NAALADL2: variants seen among roughly 807,000 people sequenced by gnomAD.
The protein encoded by NAALADL2 is inactive N-acetylated-alpha-linked acidic dipeptidase-like protein 2.
In NAALADL2, 76 loss-of-function variants were observed where a neutral mutation model predicts 87.2. The ratio of observed to expected loss-of-function variants is 0.87; its 90% CI spans 0.72 to 1.05. NAALADL2 has a LOEUF of 1.05. NAALADL2 is among the 50% of genes least tolerant of loss of function. The pLI, the probability that NAALADL2 is intolerant of heterozygous loss-of-function variation, is 0.00. For synonymous variants in NAALADL2, 354 were observed against 331.0 expected (o/e 1.07, Z -0.75); for missense variants, 1,089 against 945.8 (o/e 1.15, Z -1.99).
At chr3:175,194,692 T>G (rs1738715878) in intron 2 of NAALADL2, among the ~76,000 whole-genome samples, 1 of 151,862 alleles carries the variant, frequency 6.6e-6, no homozygotes, top group African/African-American at 2.4e-5. Flanking sequence ...TTAATGGCAT[T>G]AATAATTATG....
chr3:174,952,421 G>T (rs566091753), intron 1 of NAALADL2, among the ~76,000 whole-genome samples: 1 of 152,210 alleles, frequency 6.6e-6, no homozygotes, highest in African/African-American at 2.4e-5. Flanking sequence ...GACAGGATTT[G>T]CCTGTGATAG....
chr3:175,669,678 T>C (rs1219612109), intron 11 of NAALADL2, among the ~76,000 whole-genome samples: 1 of 151,982 alleles, frequency 6.6e-6, no homozygotes, highest in Non-Finnish European at 1.5e-5. Context: ...TTGGAATGAC[T>C]CTAAAGACAG....
intron 9 of NAALADL2, among the ~76,000 whole-genome samples, chr3:175,478,929 C>T (rs778583452): frequency 6.6e-6 from 1 of 151,750 alleles, no homozygotes; most frequent in Non-Finnish European, 1.5e-5. Context: ...GGTTAAAAAC[C>T]TATCATTAAT....
intron 1 of NAALADL2, among the ~76,000 whole-genome samples, chr3:174,501,077 A>ATTT (rs71624286): frequency 2.7e-5 from 3 of 109,770 alleles, no homozygotes; most frequent in East Asian, 5.1e-4. Flanking sequence ...ATAGGTCTCA[A>ATTT]TTTTTTTTTT....
chr3:174,486,014 A>C (rs1717835773), intron 1 of NAALADL2, among the ~76,000 whole-genome samples: 1 of 152,052 alleles, frequency 6.6e-6, no homozygotes, highest in African/African-American at 2.4e-5. Context: ...ACCTAAAAAC[A>C]GAACTACCAT....
intron 6 of NAALADL2, among the ~76,000 whole-genome samples, chr3:175,454,920 A>T (rs1158938490): frequency 3.3e-5 from 5 of 152,106 alleles, no homozygotes; most frequent in Non-Finnish European, 7.4e-5. Context: ...AAAATGTGCA[A>T]TTTAAGAGAA....
intron 2 of NAALADL2, among the ~76,000 whole-genome samples, chr3:174,565,771 C>T (rs1450231522): frequency 1.3e-5 from 2 of 151,880 alleles, no homozygotes; most frequent in Non-Finnish European, 2.9e-5. Flanking sequence ...GTGTCTGTAC[C>T]ATTTTGTATT....
intron 2 of NAALADL2, among the ~76,000 whole-genome samples, chr3:175,182,346 TC>T (rs1309542500): frequency 6.6e-6 from 1 of 151,946 alleles, no homozygotes. Flanking sequence ...AATTCATACA[TC>T]TTTTCTCTAT....
intron 11 of NAALADL2, among the ~76,000 whole-genome samples, chr3:175,727,711 A>G (rs571305001): frequency 1.1e-4 from 17 of 152,330 alleles, no homozygotes; most frequent in African/African-American, 4.1e-4. Context: ...TAGAGATTCC[A>G]TGACAATTTT....
chr3:175,566,891 A>C (rs76791308), intron 9 of NAALADL2, among the ~76,000 whole-genome samples: 1,797 of 152,174 alleles, frequency 0.012, 34 homozygotes, highest in African/African-American at 0.04. Context: ...GAAAAGTTAT[A>C]ATTTTACGTA....
chr3:175,181,768 T>TGTATATATGTGTGTATA (rs1485529056), intron 2 of NAALADL2, among the ~76,000 whole-genome samples: 1 of 127,826 alleles, frequency 7.8e-6, no homozygotes, highest in Admixed American at 8.1e-5. Context: ...TGTATATATG[T>TGTATATATGTGTGTATA]GTGTATATAT....
At chr3:175,522,216 CA>C (rs1732746899) in intron 9 of NAALADL2, among the ~76,000 whole-genome samples, 3 of 152,102 alleles carry the variant, frequency 2.0e-5, no homozygotes, top group Non-Finnish European at 4.4e-5. Flanking sequence ...ATTTATTTTA[CA>C]TATATATTGA....
At chr3:175,184,409 C>G (rs1010196098) in intron 2 of NAALADL2, among the ~76,000 whole-genome samples, 19 of 152,150 alleles carry the variant, frequency 1.2e-4, no homozygotes, top group African/African-American at 4.3e-4. Context: ...TGTTTACCCT[C>G]TACTGCAGCT....
intron 1 of NAALADL2, among the ~76,000 whole-genome samples, chr3:175,086,759 C>T (rs1175378780): frequency 6.6e-6 from 1 of 151,922 alleles, no homozygotes; most frequent in Non-Finnish European, 1.5e-5. Context: ...TGTTTAGTTG[C>T]TTGAACTTAC....
chr3:175,449,462 C>T (rs1048042114), intron 6 of NAALADL2, among the ~76,000 whole-genome samples: 3 of 143,462 alleles, frequency 2.1e-5, no homozygotes, highest in Non-Finnish European at 1.5e-5. Context: ...GTGGCACAGT[C>T]TCGGCTCACT....
chr3:174,512,756 G>A (rs2108394044), intron 1 of NAALADL2, among the ~76,000 whole-genome samples: 1 of 152,120 alleles, frequency 6.6e-6, no homozygotes, highest in South Asian at 2.1e-4. Context: ...ACTGCATGGG[G>A]ATTGATCTTC....
intron 1 of NAALADL2, among the ~76,000 whole-genome samples, chr3:175,037,864 C>A (rs1438357969): frequency 6.6e-6 from 1 of 152,108 alleles, no homozygotes; most frequent in East Asian, 1.9e-4. Flanking sequence ...CCCTTAGGTG[C>A]TAGACAGAGG....
intron 3 of NAALADL2, among the ~76,000 whole-genome samples, chr3:174,789,119 G>T (rs1020934377): frequency 2.6e-5 from 4 of 152,110 alleles, no homozygotes; most frequent in African/African-American, 7.2e-5. Context: ...AGAGCAAAAT[G>T]TTTTTTCATT....
chr3:174,662,398 C>G (rs1196958933), intron 2 of NAALADL2, among the ~76,000 whole-genome samples: 1 of 152,072 alleles, frequency 6.6e-6, no homozygotes, highest in Non-Finnish European at 1.5e-5. Flanking sequence ...AACTTTTGAA[C>G]AACTTAATCA....
Sources: allele counts gnomAD v4.1 joint callset (sites outside exome capture counted in the v4.1 genomes callset), GRCh38; gene constraint gnomAD v4.1.1; transcripts MANE v1.5; gene names NCBI Gene and HGNC (gene_info 2026-07-23, HGNC 2026-07-21).